The following GPR141 variants were observed in gnomAD, a reference collection of about 807,000 sequenced individuals.
GPR141 encodes the protein probable G protein-coupled receptor 141.
In GPR141, 6 loss-of-function variants were observed where a neutral mutation model predicts 6.8. The observed-to-expected ratio is 0.88, with a 90% CI of 0.48 to 1.74. GPR141 has a LOEUF of 1.74. Among genes scored for constraint, GPR141 ranks in the 40% most tolerant of loss-of-function variants. GPR141 has a pLI of 0.01. For missense variants in GPR141, 372 were observed against 372.9 expected (o/e 1.00, Z 0.02); for synonymous variants, 140 against 142.3 (o/e 0.98, Z 0.11).
intron 2 of GPR141, among the ~76,000 whole-genome samples, chr7:37,734,345 C>T (rs1384876435): frequency 2.0e-5 from 3 of 152,198 alleles, no homozygotes; most frequent in Non-Finnish European, 4.4e-5. Flanking sequence ...CACAGTAACA[C>T]TGCAAACAGT....
At chr7:37,706,414 TG>T (rs1206510764) in intron 2 of GPR141, among the ~76,000 whole-genome samples, 4 of 152,172 alleles carry the variant, frequency 2.6e-5, no homozygotes, top group African/African-American at 9.7e-5. Context: ...GCAAAATATT[TG>T]TAAAAGCATT....
At chr7:37,727,177 C>T (rs1811674567) in intron 2 of GPR141, among the ~76,000 whole-genome samples, 1 of 152,170 alleles carries the variant, frequency 6.6e-6, no homozygotes, top group South Asian at 2.1e-4. Flanking sequence ...AGTAGTTTAG[C>T]TCAGTGCTGG....
chr7:37,685,406 TTCCC>T (rs1411639021), intron 1 of GPR141, 50 bp from the exon 2 acceptor site: 26 of 151,028 alleles, frequency 1.7e-4, no homozygotes, highest in Admixed American at 8.6e-4. Context: ...TCCTGCCTTC[TTCCC>T]TCCCTCCCTC....
At chr7:37,722,052 T>C (rs990536109) in intron 2 of GPR141, among the ~76,000 whole-genome samples, 3 of 152,208 alleles carry the variant, frequency 2.0e-5, no homozygotes, top group African/African-American at 7.2e-5. Flanking sequence ...ATATTTCATG[T>C]CTGTCAACAT....
At chr7:37,728,219 C>A (rs1260016881) in intron 2 of GPR141, among the ~76,000 whole-genome samples, 1 of 152,076 alleles carries the variant, frequency 6.6e-6, no homozygotes, top group Admixed American at 6.5e-5. Flanking sequence ...TTTCACGTAC[C>A]CATAGGTGTT....
At position 37,740,742 on chromosome 7, in the gene GPR141, T is replaced by C; in HGVS notation, c.349T>C (p.Phe117Leu). ...VVILVTRYLI[F>L]FKCKDKVEFY... ...GATCCTGGTCACCAGATACCTCATCTTCTTCAAGTGCAAAGACAAAGTGGA... is the reference window on the plus strand; with the variant it reads ...GATCCTGGTCACCAGATACCTCATCCTCTTCAAGTGCAAAGACAAAGTGGA... Residue 117 changes from phenylalanine (F) to leucine (L), a missense_variant, in exon 3 of 3, where the codon TTC (phenylalanine) becomes CTC (leucine). Transcript: ENST00000334425. 6.2e-7 allele frequency: 1 copy of C among 1,614,110 alleles called. No homozygotes were observed. The highest frequency in any genetic ancestry group is 8.5e-7 in the Non-Finnish European group (1 of 1,179,936).
chr7:37,700,113 C>T (rs1195448046), intron 2 of GPR141, among the ~76,000 whole-genome samples: 1 of 152,224 alleles, frequency 6.6e-6, no homozygotes, highest in Non-Finnish European at 1.5e-5. Context: ...GAAACTCACA[C>T]TTTTTCCACT....
At chr7:37,734,483 GA>G (rs1363678859) in intron 2 of GPR141, among the ~76,000 whole-genome samples, 1 of 152,184 alleles carries the variant, frequency 6.6e-6, no homozygotes, top group African/African-American at 2.4e-5. Flanking sequence ...TAAAAGAGTG[GA>G]AAATAATAAA....
intron 2 of GPR141, among the ~76,000 whole-genome samples, chr7:37,698,814 G>A (rs781443545): frequency 3.8e-4 from 58 of 152,198 alleles, no homozygotes; most frequent in Non-Finnish European, 7.3e-4. Flanking sequence ...AAAAGAAAAT[G>A]TAGGAGCAAA....
intron 2 of GPR141, among the ~76,000 whole-genome samples, chr7:37,692,821 T>C (rs1429244563): frequency 6.6e-6 from 1 of 152,208 alleles, no homozygotes; most frequent in Non-Finnish European, 1.5e-5. Context: ...GTTCATATCC[T>C]TTGCCCACTT....
At position 37,737,192 on chromosome 7, in the gene GPR141, T is replaced by C. The variant is rs868303771; in HGVS notation, c.-14-3188T>C. 4.6e-5 allele frequency among the ~76,000 whole-genome samples: 7 copies of C among 152,284 alleles called. No individual in the cohort carries two copies. The Middle Eastern group carries it at 0.014, about 296-fold the overall frequency. ...GTTGATCTTGAGGAAGAATCATTAT[T>C]TGAAATAAAGAGGAAATTTCATAAT... On this transcript the variant is annotated intron_variant, in intron 2 of 2. Transcript: ENST00000334425.
intron 2 of GPR141, among the ~76,000 whole-genome samples, chr7:37,734,040 G>A (rs1282940632): frequency 6.6e-6 from 1 of 152,110 alleles, no homozygotes; most frequent in South Asian, 2.1e-4. Flanking sequence ...AGGCGTGGTG[G>A]TGCACACCTG....
At chr7:37,702,344 C>G (rs1480914697) in intron 2 of GPR141, among the ~76,000 whole-genome samples, 1 of 151,930 alleles carries the variant, frequency 6.6e-6, no homozygotes, top group Non-Finnish European at 1.5e-5. Flanking sequence ...TTTCTCCCTT[C>G]CTCCCTTCTG....
chr7:37,732,130 T>C (rs1436152353), intron 2 of GPR141, among the ~76,000 whole-genome samples: 1 of 146,724 alleles, frequency 6.8e-6, no homozygotes, highest in Admixed American at 6.8e-5. Context: ...ACTTCTCCTT[T>C]TCTTTCTCTC....
At chr7:37,736,316 G>GA (rs376483611) in intron 2 of GPR141, among the ~76,000 whole-genome samples, 1 of 151,752 alleles carries the variant, frequency 6.6e-6, no homozygotes. Context: ...ATAAAATTCA[G>GA]AAAAAATTAG....
At chr7:37,727,722 T>G (rs933038779) in intron 2 of GPR141, among the ~76,000 whole-genome samples, 1 of 152,220 alleles carries the variant, frequency 6.6e-6, no homozygotes, top group Non-Finnish European at 1.5e-5. Flanking sequence ...CAAGCTCTCC[T>G]AGGTGGGTGT....
chr7:37,731,760 T>C (rs1019938267), intron 2 of GPR141, among the ~76,000 whole-genome samples: 6 of 152,254 alleles, frequency 3.9e-5, no homozygotes, highest in Non-Finnish European at 2.9e-5. Context: ...TACAGATATA[T>C]AATTTTTTTG....
intron 2 of GPR141, among the ~76,000 whole-genome samples, chr7:37,699,796 T>G (rs1810197894): frequency 6.6e-6 from 1 of 152,210 alleles, no homozygotes; most frequent in Non-Finnish European, 1.5e-5. Context: ...ATATAAATGT[T>G]GTGAGGTTTT....
intron 2 of GPR141, among the ~76,000 whole-genome samples, chr7:37,686,808 T>C (rs1465442341): frequency 6.6e-6 from 1 of 152,168 alleles, no homozygotes; most frequent in Admixed American, 6.5e-5. Context: ...TCCTGATGAT[T>C]AAGTCACTTT....
Sources: gnomAD v4.1 joint callset for allele counts (sites outside exome capture counted in the v4.1 genomes callset) on GRCh38, gnomAD v4.1.1 for gene constraint, MANE v1.5 for transcripts, NCBI Gene and HGNC (gene_info 2026-07-23, HGNC 2026-07-21) for gene names.